The following EXPH5 variants were observed in gnomAD, a reference collection of about 807,000 sequenced individuals.
EXPH5 encodes exophilin 5, also known as exophilin-5.
In EXPH5, 42 loss-of-function variants were observed where a neutral mutation model predicts 41.1. That is an observed-to-expected ratio of 1.02 (90% CI 0.80 to 1.32). The LOEUF (loss-of-function observed/expected upper bound fraction) is 1.32, where lower values mean the gene tolerates loss of function less well. EXPH5 is among the 40% of genes most tolerant of loss of function. The pLI, the probability that EXPH5 is intolerant of heterozygous loss-of-function variation, is 0.00. For synonymous variants in EXPH5, 798 were observed against 833.5 expected (o/e 0.96, Z 0.73); for missense variants, 2,298 against 2,314.5 (o/e 0.99, Z 0.15).
rs529198019 is a variant in EXPH5 at position 108,520,691 on chromosome 11, C to T, written c.493-2318G>A. On this transcript the variant is annotated intron_variant, in intron 4 of 5. Coordinates refer to ENST00000265843, the MANE Select transcript of EXPH5 (RefSeq NM_015065.3). Reference sequence around the variant, plus strand: ...AAGCAATTCCCCTGCCTCAGCCTCCCGAGTAGCTGGGATTACAGGCGCACG... The same window carrying T: ...AAGCAATTCCCCTGCCTCAGCCTCCTGAGTAGCTGGGATTACAGGCGCACG... 6.6e-5 allele frequency among the ~76,000 whole-genome samples: 10 copies of T among 152,086 alleles called. No homozygotes were observed. The South Asian group carries it at 1.5e-3, about 22-fold the overall frequency.
intron 1 of EXPH5, among the ~76,000 whole-genome samples, chr11:108,554,328 T>G (rs1388345725): frequency 6.6e-6 from 1 of 152,210 alleles, no homozygotes; most frequent in Non-Finnish European, 1.5e-5. Context: ...GTGCTGGGAT[T>G]ACAGATGTGA....
intron 1 of EXPH5, among the ~76,000 whole-genome samples, chr11:108,547,964 C>G (rs995713359): frequency 1.3e-5 from 2 of 152,040 alleles, no homozygotes; most frequent in Non-Finnish European, 2.9e-5. Context: ...ACAAAATTAG[C>G]TGGGCTTGGT....
At chr11:108,545,367 A>C (rs1198033119) in intron 1 of EXPH5, among the ~76,000 whole-genome samples, 3 of 152,214 alleles carry the variant, frequency 2.0e-5, no homozygotes, top group Non-Finnish European at 4.4e-5. Context: ...CCTATGGTGC[A>C]AATGCTGGCA....
chr11:108,579,800 G>A (rs60126861), intron 1 of EXPH5, among the ~76,000 whole-genome samples: 2,259 of 152,218 alleles, frequency 0.015, 49 homozygotes, highest in African/African-American at 0.05. Flanking sequence ...ATGAGCATTG[G>A]TGCAAATGGA....
rs1410248680 is a variant in EXPH5 at position 108,513,674 on chromosome 11, G to C, written c.1833C>G (p.Asn611Lys). 6.2e-7 allele frequency: 1 copy of C among 1,612,204 alleles called. No individual in the cohort carries two copies. Among genetic ancestry groups the C allele is most frequent in the Non-Finnish European group, 8.5e-7 (1 of 1,179,374 alleles). ...CAATTCCAAATGAGGAAGCTTCTTTGTTTATATGTACTTCTACAGGAGAAC... is the reference window on the plus strand; with the variant it reads ...CAATTCCAAATGAGGAAGCTTCTTTCTTTATATGTACTTCTACAGGAGAAC... ...QDSSPVEVHI[N>K]KEASSFGIAQ... Residue 611 changes from asparagine to lysine, a missense_variant, in exon 6 of 6, where the codon AAC (asparagine) becomes AAG (lysine). Physicochemically the swap from Asn to Lys is moderately conservative, Grantham distance 94 (BLOSUM62 0). Transcript: ENST00000265843.
Position 108,512,417 on chromosome 11 carries a change from G to A in EXPH5, c.3090C>T (p.Leu1030=). The change falls in exon 6 of 6, where the codon CTC becomes CTT. Residue 1030 remains leucine, a synonymous_variant. Coordinates refer to ENST00000265843, the MANE Select transcript of EXPH5 (RefSeq NM_015065.3). ...CTLPRKSSSF[L]IHGRQSGSKI... Reference sequence around the variant, plus strand: ...TACTTCCTGACTGCCTGCCATGTATGAGAAAACTGCTTGATTTTCTTGGCA... The same window carrying A: ...TACTTCCTGACTGCCTGCCATGTATAAGAAAACTGCTTGATTTTCTTGGCA... The A allele has an allele frequency of 6.2e-7, 1 of 1,611,636 alleles. No individual in the cohort carries two copies. Among genetic ancestry groups the A allele is most frequent in the Non-Finnish European group, 8.5e-7 (1 of 1,179,232 alleles).
chr11:108,591,328 T>A (rs986780120), intron 1 of EXPH5, among the ~76,000 whole-genome samples: 2 of 152,220 alleles, frequency 1.3e-5, no homozygotes, highest in African/African-American at 4.8e-5. Context: ...TCTCAGGCCC[T>A]TTCTGCATGC....
Position 108,511,885 on chromosome 11 carries a change from C to G in EXPH5, c.3622G>C (p.Glu1208Gln). The change falls in exon 6 of 6, where the codon GAA (glutamate) becomes CAA (glutamine). Residue 1208 changes from glutamate (E) to glutamine (Q), a missense_variant. Physicochemically the swap from Glu to Gln is conservative, Grantham distance 29. Coordinates refer to ENST00000265843, the MANE Select transcript of EXPH5 (RefSeq NM_015065.3). ...SRRSVFALSN[E>Q]DPLPFCSDLS... is the part of the protein sequence containing the mutation. ...TCTGAGCAAAAAGGTAAAGGGTCTT[C>G]ATTTGAAAGAGCAAATACACTTCTC... 6.3e-7 allele frequency: 1 copy of G among 1,588,004 alleles called. No individual in the cohort carries two copies. Among genetic ancestry groups the G allele is most frequent in the Non-Finnish European group, 8.5e-7 (1 of 1,172,046 alleles).
At chr11:108,533,506 A>T (rs935806533) in intron 3 of EXPH5, among the ~76,000 whole-genome samples, 5 of 152,106 alleles carry the variant, frequency 3.3e-5, no homozygotes, top group Non-Finnish European at 7.4e-5. Context: ...CCCGGCCTAC[A>T]TTCTAAATCT....
chr11:108,553,143 G>A (rs1769680193), intron 1 of EXPH5, among the ~76,000 whole-genome samples: 1 of 152,172 alleles, frequency 6.6e-6, no homozygotes, highest in Non-Finnish European at 1.5e-5. Context: ...AGGTTGCAGT[G>A]AGCCGAGATC....
chr11:108,549,798 A>G (rs1343044024), intron 1 of EXPH5, among the ~76,000 whole-genome samples: 2 of 152,180 alleles, frequency 1.3e-5, no homozygotes, highest in Non-Finnish European at 2.9e-5. Flanking sequence ...CACTTGTCAA[A>G]GAGGAATAAA....
chr11:108,521,463 G>A (rs1484032489), intron 4 of EXPH5, among the ~76,000 whole-genome samples: 6 of 152,112 alleles, frequency 3.9e-5, no homozygotes, highest in South Asian at 2.1e-4. Flanking sequence ...TTATTAATAC[G>A]GAAGGAGTGC....
At chr11:108,603,902 G>A in the EXPH5 span, among the ~76,000 whole-genome samples, 1 of 152,188 alleles carries the variant, frequency 6.6e-6, no homozygotes, top group African/African-American at 2.4e-5. Context: ...TCCAGGAGAA[G>A]CGAACACAGA....
intron 1 of EXPH5, among the ~76,000 whole-genome samples, chr11:108,555,644 G>T (rs1377396955): frequency 6.6e-6 from 1 of 152,174 alleles, no homozygotes; most frequent in Non-Finnish European, 1.5e-5. Context: ...CGTGTTGGGG[G>T]TGGGACCTCG....
At chr11:108,526,254 G>A (rs570649724) in intron 4 of EXPH5, among the ~76,000 whole-genome samples, 1 of 152,036 alleles carries the variant, frequency 6.6e-6, no homozygotes, top group South Asian at 2.1e-4. Context: ...GCTATTCATG[G>A]GGAGCAACAG....
intron 1 of EXPH5, among the ~76,000 whole-genome samples, chr11:108,576,100 G>A (rs1164335460): frequency 6.6e-6 from 1 of 152,108 alleles, no homozygotes; most frequent in Non-Finnish European, 1.5e-5. Flanking sequence ...CTGAGAACAG[G>A]TACTCAAACA....
At chr11:108,516,071 CAAA>C (rs35633613) in intron 5 of EXPH5, among the ~76,000 whole-genome samples, 2 of 84,954 alleles carry the variant, frequency 2.4e-5, no homozygotes, top group South Asian at 4.0e-4. Context: ...GACTCCGTCT[CAAA>C]AAAAAAAAAA....
upstream of EXPH5, among the ~76,000 whole-genome samples, chr11:108,596,353 G>T (rs2094138913): frequency 6.6e-6 from 1 of 151,986 alleles, no homozygotes; most frequent in Non-Finnish European, 1.5e-5. Context: ...AGAAAAAGAG[G>T]GTGGAATTCC....
chr11:108,538,698 A>G (rs1199132580), intron 3 of EXPH5, among the ~76,000 whole-genome samples: 1 of 152,220 alleles, frequency 6.6e-6, no homozygotes, highest in Non-Finnish European at 1.5e-5. Context: ...TTATTTAAAT[A>G]TATCTTCCTG....
Sources: allele counts gnomAD v4.1 joint callset (sites outside exome capture counted in the v4.1 genomes callset), GRCh38; gene constraint gnomAD v4.1.1; transcripts MANE v1.5; gene names NCBI Gene and HGNC (gene_info 2026-07-23, HGNC 2026-07-21).